COL26A1: variants seen among roughly 807,000 people sequenced by gnomAD.
COL26A1 encodes the protein collagen alpha-1(XXVI) chain.
Under a neutral mutation model 59.3 loss-of-function variants are expected in COL26A1, and 41 were observed. The observed-to-expected ratio is 0.69, with a 90% CI of 0.54 to 0.90. The LOEUF is 0.90. Among genes scored for constraint, COL26A1 ranks in the 40% least tolerant of loss-of-function variants. The probability of loss-of-function intolerance (pLI) is 0.00; values close to 1 mark genes in which losing one functional copy is unlikely to be tolerated. For missense variants in COL26A1, 612 were observed against 602.3 expected (o/e 1.02, Z -0.17); for synonymous variants, 266 against 256.0 (o/e 1.04, Z -0.37).
At chr7:101,400,901 A>C (rs1791981277) in intron 1 of COL26A1, among the ~76,000 whole-genome samples, 1 of 152,006 alleles carries the variant, frequency 6.6e-6, no homozygotes, top group Non-Finnish European at 1.5e-5. Context: ...AGTAAATACC[A>C]CTGATGTGGG....
At chr7:101,450,006 C>T (rs139690802) in intron 3 of COL26A1, among the ~76,000 whole-genome samples, 27 of 151,890 alleles carry the variant, frequency 1.8e-4, no homozygotes, top group African/African-American at 5.8e-4. Context: ...CGCCTGTAAT[C>T]CCAGCTACTT....
chr7:101,518,223 G>A (rs1048809903), intron 3 of COL26A1, among the ~76,000 whole-genome samples: 3 of 152,160 alleles, frequency 2.0e-5, no homozygotes, highest in African/African-American at 7.2e-5. Flanking sequence ...TTCCTTGAGA[G>A]GCGATTGCCT....
intron 3 of COL26A1, among the ~76,000 whole-genome samples, chr7:101,466,795 G>GGTGTGTGTGAGTGT (rs1554416648): frequency 1.6e-5 from 2 of 125,246 alleles, no homozygotes; most frequent in East Asian, 4.7e-4. Context: ...GGCATGTTCT[G>GGTGTGTGTGAGTGT]GTGTGTGTGT....
intron 9 of COL26A1, among the ~76,000 whole-genome samples, chr7:101,549,738 T>C (rs1795821148): frequency 6.6e-6 from 1 of 152,220 alleles, no homozygotes; most frequent in Admixed American, 6.5e-5. Flanking sequence ...CTCCTCCTGT[T>C]ATGCCAGGGA....
At chr7:101,396,217 G>A (rs530971786) in intron 1 of COL26A1, among the ~76,000 whole-genome samples, 9 of 152,096 alleles carry the variant, frequency 5.9e-5, no homozygotes, top group South Asian at 2.1e-4. Context: ...GCAGTGAGCC[G>A]AGATCGCACC....
chr7:101,483,229 G>A (rs1436150735), intron 3 of COL26A1, among the ~76,000 whole-genome samples: 1 of 149,758 alleles, frequency 6.7e-6, no homozygotes, highest in Non-Finnish European at 1.5e-5. Context: ...ACAGAGTCTC[G>A]CTCTGTCACC....
At chr7:101,490,314 C>T (rs1227733532) in intron 3 of COL26A1, among the ~76,000 whole-genome samples, 2 of 151,978 alleles carry the variant, frequency 1.3e-5, no homozygotes, top group Non-Finnish European at 2.9e-5. Context: ...TGAGCTCAAG[C>T]GATCCTACCA....
chr7:101,528,398 G>A (rs1795293915), intron 3 of COL26A1, among the ~76,000 whole-genome samples: 1 of 152,102 alleles, frequency 6.6e-6, no homozygotes, highest in Non-Finnish European at 1.5e-5. Flanking sequence ...GGCCAGGGCT[G>A]TCATTTGTAA....
chr7:101,438,318 G>A (rs1792966132), intron 2 of COL26A1, among the ~76,000 whole-genome samples: 2 of 151,564 alleles, frequency 1.3e-5, no homozygotes. Flanking sequence ...CCGAGATTGT[G>A]CCATTGCACT....
At chr7:101,544,976 A>G (rs1795699833) in intron 6 of COL26A1, among the ~76,000 whole-genome samples, 1 of 152,138 alleles carries the variant, frequency 6.6e-6, no homozygotes, top group South Asian at 2.1e-4. Context: ...CCCCTGGTTC[A>G]GCAGGTACAG....
intron 3 of COL26A1, among the ~76,000 whole-genome samples, chr7:101,480,009 G>T (rs1233066869): frequency 2.0e-5 from 3 of 151,948 alleles, no homozygotes; most frequent in Non-Finnish European, 4.4e-5. Context: ...TTTTTTAAGA[G>T]TCAGGGTCTC....
In COL26A1 at chr7:101,552,578, C is replaced by G. The variant is rs556937349; in HGVS notation, c.1030-748C>G. On this transcript the variant is annotated intron_variant, in intron 10 of 12. Transcript: ENST00000313669. The stretch of plus-strand genomic sequence containing the variant: ...GCTGCAGTGAGCCATGATCGCGTCA[C>G]TATACTCCAGCCTGGGCAACAGAGC... 5.3e-5 allele frequency among the ~76,000 whole-genome samples: 8 copies of G among 152,282 alleles called. No individual in the cohort carries two copies. In the South Asian group the frequency reaches 1.7e-3, roughly 32 times the overall value.
At chr7:101,409,085 C>T (rs1792189073) in intron 1 of COL26A1, among the ~76,000 whole-genome samples, 1 of 151,942 alleles carries the variant, frequency 6.6e-6, no homozygotes, top group Admixed American at 6.6e-5. Flanking sequence ...CAGTACTTAC[C>T]ACCCAGATTT....
At chr7:101,378,270 C>T (rs1451239373) in intron 1 of COL26A1, among the ~76,000 whole-genome samples, 1 of 152,130 alleles carries the variant, frequency 6.6e-6, no homozygotes, top group African/African-American at 2.4e-5. Flanking sequence ...ATCCCAGCTA[C>T]TTGGTATTGG....
chr7:101,372,908 T>C (rs1409315655), intron 1 of COL26A1, among the ~76,000 whole-genome samples: 2 of 152,086 alleles, frequency 1.3e-5, no homozygotes, highest in Non-Finnish European at 2.9e-5. Flanking sequence ...GGTGGGAGGA[T>C]TGCTTGAGCC....
At chr7:101,511,724 C>T (rs531347388) in intron 3 of COL26A1, among the ~76,000 whole-genome samples, 2 of 152,266 alleles carry the variant, frequency 1.3e-5, no homozygotes, top group African/African-American at 4.8e-5. Flanking sequence ...AAGGGAGGAC[C>T]CCGGTTCTGC....
intron 1 of COL26A1, among the ~76,000 whole-genome samples, chr7:101,399,050 A>G (rs1791930074): frequency 6.6e-6 from 1 of 152,050 alleles, no homozygotes; most frequent in Non-Finnish European, 1.5e-5. Context: ...CATACCTGTA[A>G]TCCCAGCACT....
At chr7:101,476,475 G>A (rs1794049076) in intron 3 of COL26A1, among the ~76,000 whole-genome samples, 1 of 151,766 alleles carries the variant, frequency 6.6e-6, no homozygotes, top group African/African-American at 2.4e-5. Flanking sequence ...GGTTTTGTAA[G>A]ATGGAAACAA....
chr7:101,378,363 A>G (rs1339114927), intron 1 of COL26A1, among the ~76,000 whole-genome samples: 2 of 152,212 alleles, frequency 1.3e-5, no homozygotes, highest in East Asian at 3.9e-4. Flanking sequence ...TGAATAACCC[A>G]TTCTTCCTTG....
Sources: gnomAD v4.1 joint callset for allele counts (sites outside exome capture counted in the v4.1 genomes callset) on GRCh38, gnomAD v4.1.1 for gene constraint, MANE v1.5 for transcripts, NCBI Gene and HGNC (gene_info 2026-07-23, HGNC 2026-07-21) for gene names.